ZNF532: variants seen among roughly 807,000 people sequenced by gnomAD.
ZNF532 encodes the protein zinc finger protein 532.
ZNF532 carries 22 observed loss-of-function variants against 89.3 expected under a neutral mutation model. The ratio of observed to expected loss-of-function variants is 0.25; its 90% CI spans 0.18 to 0.35. ZNF532 has a LOEUF of 0.35. Among genes scored for constraint, ZNF532 ranks in the 10% least tolerant of loss-of-function variants. The pLI, the probability that ZNF532 is intolerant of heterozygous loss-of-function variation, is 1.00. For synonymous variants in ZNF532, 606 were observed against 649.6 expected (o/e 0.93, Z 1.02); for missense variants, 1,132 against 1,643.4 (o/e 0.69, Z 5.38).
intron 2 of ZNF532, among the ~76,000 whole-genome samples, chr18:58,877,256 G>A (rs2057505990): frequency 6.6e-6 from 1 of 152,140 alleles, no homozygotes; most frequent in African/African-American, 2.4e-5. Context: ...TTGGAAAACG[G>A]CTAGTCACAT....
chr18:58,973,346 G>A (rs1010512746), intron 7 of ZNF532, among the ~76,000 whole-genome samples: 8 of 152,174 alleles, frequency 5.3e-5, no homozygotes, highest in African/African-American at 1.9e-4. Context: ...CAAGTGGTGC[G>A]CCCGCCTTGG....
intron 2 of ZNF532, among the ~76,000 whole-genome samples, chr18:58,869,612 G>A (rs2056793990): frequency 6.6e-6 from 1 of 152,218 alleles, no homozygotes; most frequent in South Asian, 2.1e-4. Context: ...TTTATGGACT[G>A]CCAAAGTATT....
chr18:58,914,873 TTGTAA>T (rs1438071915), intron 2 of ZNF532, among the ~76,000 whole-genome samples: 6 of 152,338 alleles, frequency 3.9e-5, no homozygotes, highest in African/African-American at 1.4e-4. Context: ...AGATTTATTT[TTGTAA>T]TGTTTTTAAG....
chr18:58,983,337 C>G (rs953398587), intron 9 of ZNF532, among the ~76,000 whole-genome samples: 1 of 152,054 alleles, frequency 6.6e-6, no homozygotes, highest in African/African-American at 2.4e-5. Flanking sequence ...CAGAGGCTCT[C>G]AGTCTAAAAG....
At chr18:58,932,735 G>A (rs537993244) in intron 3 of ZNF532, among the ~76,000 whole-genome samples, 1 of 152,202 alleles carries the variant, frequency 6.6e-6, no homozygotes, top group East Asian at 1.9e-4. Context: ...AATTAAATGA[G>A]ATGATGTACT....
chr18:58,903,280 A>G (rs571519535), intron 2 of ZNF532, among the ~76,000 whole-genome samples: 2 of 152,180 alleles, frequency 1.3e-5, no homozygotes, highest in Non-Finnish European at 2.9e-5. Flanking sequence ...GGGCAAACTA[A>G]GAAGGAAAGC....
chr18:58,962,115 A>T (rs1328598515), intron 7 of ZNF532, among the ~76,000 whole-genome samples: 1 of 152,026 alleles, frequency 6.6e-6, no homozygotes, highest in Non-Finnish European at 1.5e-5. Flanking sequence ...AGTCCCAGCT[A>T]CTCAGGAGGC....
intron 2 of ZNF532, among the ~76,000 whole-genome samples, chr18:58,909,668 T>A (rs542927122): frequency 6.6e-6 from 1 of 152,182 alleles, no homozygotes; most frequent in Non-Finnish European, 1.5e-5. Context: ...ACATGAAAGA[T>A]GATTAGCAGC....
At chr18:58,924,077 G>A (rs1196054232) in intron 3 of ZNF532, among the ~76,000 whole-genome samples, 1 of 152,140 alleles carries the variant, frequency 6.6e-6, no homozygotes, top group African/African-American at 2.4e-5. Context: ...GGCTGGTCTT[G>A]AACTCCTAAC....
chr18:58,978,182 GTCTC>G (rs764534747), intron 7 of ZNF532, among the ~76,000 whole-genome samples: 3 of 151,618 alleles, frequency 2.0e-5, no homozygotes, highest in Admixed American at 6.6e-5. Context: ...AGTGTTTGCT[GTCTC>G]TCTCTCTCTC....
chr18:58,983,712 T>C (rs7231764), intron 9 of ZNF532, among the ~76,000 whole-genome samples: 71,382 of 150,650 alleles, frequency 0.47, 17,892 homozygotes, highest in African/African-American at 0.61. Context: ...GCCACAAATT[T>C]CAGGAAGCTA....
At chr18:58,916,667 C>T (rs1187607553) in intron 2 of ZNF532, 2 of 982,834 alleles carry the variant, frequency 2.0e-6, no homozygotes, top group Non-Finnish European at 2.4e-6. Flanking sequence ...GTGTTGATTT[C>T]GCCTTCAACA....
intron 5 of ZNF532, among the ~76,000 whole-genome samples, chr18:58,946,348 A>G (rs1444607114): frequency 2.0e-5 from 3 of 146,352 alleles, no homozygotes; most frequent in African/African-American, 7.7e-5. Context: ...GCTGGCGTAC[A>G]GTGGCGTGAT....
At chr18:58,959,712 G>A (rs1004277434) in intron 7 of ZNF532, among the ~76,000 whole-genome samples, 1 of 152,118 alleles carries the variant, frequency 6.6e-6, no homozygotes, top group Admixed American at 6.5e-5. Context: ...GCTTCAGTTT[G>A]CATAGGTCTA....
At chr18:58,971,679 G>A (rs1183331827) in intron 7 of ZNF532, among the ~76,000 whole-genome samples, 1 of 152,164 alleles carries the variant, frequency 6.6e-6, no homozygotes, top group Non-Finnish European at 1.5e-5. Flanking sequence ...CTTGGTGAAC[G>A]TGCTAGTGGT....
At chr18:58,983,337 C>T (rs953398587) in intron 9 of ZNF532, among the ~76,000 whole-genome samples, 4 of 152,054 alleles carry the variant, frequency 2.6e-5, no homozygotes, top group African/African-American at 9.7e-5. Flanking sequence ...CAGAGGCTCT[C>T]AGTCTAAAAG....
In ZNF532 at chr18:58,885,827, C is replaced by A. The variant is rs2058262715; in HGVS notation, c.-18+20248C>A. On this transcript the variant is annotated intron_variant, in intron 2 of 9. Transcript: ENST00000591808. ...CGAAATCGCATCATCGTACTCCAGC[C>A]TGGGTCGAGACAATGTCTCAAAAAA... is the stretch of plus-strand genomic sequence containing the variant. Among the ~76,000 whole-genome samples the A allele has an allele frequency of 2.7e-5, 4 of 149,014 alleles. No homozygotes were observed. The Admixed American group carries it at 2.7e-4, about 10-fold the overall frequency.
chr18:58,925,728 T>C (rs1410926773), intron 3 of ZNF532, among the ~76,000 whole-genome samples: 2 of 152,262 alleles, frequency 1.3e-5, no homozygotes, highest in African/African-American at 4.8e-5. Context: ...CTCAACGTTT[T>C]ATAATTCTGT....
intron 3 of ZNF532, among the ~76,000 whole-genome samples, chr18:58,932,868 A>G (rs1434330905): frequency 6.6e-6 from 1 of 152,120 alleles, no homozygotes; most frequent in East Asian, 1.9e-4. Context: ...GTGTATGTAT[A>G]TATGTATGTA....
Sources: allele counts gnomAD v4.1 joint callset (sites outside exome capture counted in the v4.1 genomes callset), GRCh38; gene constraint gnomAD v4.1.1; transcripts MANE v1.5; gene names NCBI Gene and HGNC (gene_info 2026-07-23, HGNC 2026-07-21).